Variants in TRAK1 observed in about 807,000 individuals in gnomAD.
TRAK1 encodes the protein trafficking kinesin-binding protein 1.
Under a neutral mutation model 92.1 loss-of-function variants are expected in TRAK1, and 33 were observed. The ratio of observed to expected loss-of-function variants is 0.36; its 90% CI spans 0.27 to 0.48. TRAK1 has a LOEUF of 0.48. Ranked by LOEUF, TRAK1 falls within the 20% of genes least tolerant of loss-of-function variation. The probability of loss-of-function intolerance (pLI) is 0.99; values close to 1 mark genes in which losing one functional copy is unlikely to be tolerated. For missense variants in TRAK1, 1,123 were observed against 1,257.9 expected, an observed-to-expected ratio of 0.89 and a Z score of 1.62; for synonymous variants, 521 against 517.3, an observed-to-expected ratio of 1.01 and a Z score of -0.10.
At chr3:42,138,609 A>G (rs946351486) in intron 2 of TRAK1, among the ~76,000 whole-genome samples, 1 of 151,968 alleles carries the variant, frequency 6.6e-6, no homozygotes, top group Non-Finnish European at 1.5e-5. Flanking sequence ...GACACTGGCC[A>G]GATGTGGCGG....
intron 1 of TRAK1, among the ~76,000 whole-genome samples, chr3:42,081,792 C>T (rs1704450832): frequency 6.6e-6 from 1 of 152,190 alleles, no homozygotes; most frequent in Admixed American, 6.5e-5. Context: ...CTAATTTGTA[C>T]TAGACACAGA....
chr3:42,099,695 A>G (rs1354485343), intron 1 of TRAK1, among the ~76,000 whole-genome samples: 1 of 152,230 alleles, frequency 6.6e-6, no homozygotes, highest in Admixed American at 6.5e-5. Flanking sequence ...GTTTCAGCTT[A>G]TCTCATAAAT....
intron 2 of TRAK1, among the ~76,000 whole-genome samples, chr3:42,143,322 T>TTC (rs1553732425): frequency 1.2e-3 from 177 of 149,810 alleles, no homozygotes; most frequent in South Asian, 7.2e-3. Flanking sequence ...TTTTTTTTTT[T>TTC]CTTTCAAATT....
intron 2 of TRAK1, among the ~76,000 whole-genome samples, chr3:42,140,347 A>T (rs1223270065): frequency 8.5e-5 from 13 of 152,108 alleles, no homozygotes; most frequent in Admixed American, 6.6e-4. Flanking sequence ...AATAAAGATC[A>T]GGCTGGGCGC....
intron 2 of TRAK1, among the ~76,000 whole-genome samples, chr3:42,173,796 C>A (rs765829333): frequency 2.0e-5 from 3 of 152,074 alleles, no homozygotes; most frequent in Non-Finnish European, 4.4e-5. Flanking sequence ...ATCGCGACTA[C>A]CCTGCAGGGT....
chr3:42,160,225 CA>C, intron 2 of TRAK1: 3 of 1,481,416 alleles, frequency 2.0e-6, no homozygotes, highest in Non-Finnish European at 2.7e-6. Context: ...TGAGCCAGGG[CA>C]TGTCTGCGGC....
intron 1 of TRAK1, among the ~76,000 whole-genome samples, chr3:42,032,395 A>G (rs1338450477): frequency 2.0e-5 from 3 of 150,816 alleles, no homozygotes; most frequent in Non-Finnish European, 2.9e-5. Flanking sequence ...CCATTGTCCC[A>G]TGTTGTTCGT....
intron 2 of TRAK1, among the ~76,000 whole-genome samples, chr3:42,151,775 TA>T (rs1207733595): frequency 7.2e-5 from 11 of 152,260 alleles, no homozygotes; most frequent in African/African-American, 2.7e-4. Context: ...TGCCCCTGTT[TA>T]TATGTACCTG....
At chr3:42,144,011 T>G (rs1576597947) in intron 2 of TRAK1, among the ~76,000 whole-genome samples, 1 of 152,176 alleles carries the variant, frequency 6.6e-6, no homozygotes, top group African/African-American at 2.4e-5. Context: ...CCTATTTTCT[T>G]AAAAAGTGAA....
intron 2 of TRAK1, among the ~76,000 whole-genome samples, chr3:42,167,132 G>A (rs1015792631): frequency 2.0e-5 from 3 of 152,216 alleles, no homozygotes; most frequent in Non-Finnish European, 2.9e-5. Context: ...AGGCCTGTCT[G>A]GCGTTCAGAT....
chr3:42,113,871 G>T (rs1399335371), intron 1 of TRAK1, among the ~76,000 whole-genome samples: 1 of 152,180 alleles, frequency 6.6e-6, no homozygotes, highest in Non-Finnish European at 1.5e-5. Context: ...ACATTTTAAC[G>T]GGTATAGTTC....
chr3:42,093,201 T>C (rs771925814), intron 1 of TRAK1, among the ~76,000 whole-genome samples: 14 of 151,840 alleles, frequency 9.2e-5, no homozygotes, highest in Non-Finnish European at 1.9e-4. Flanking sequence ...ATGTGTAATT[T>C]AGAAGTTTTT....
At chr3:42,105,848 A>G (rs980869407) in intron 1 of TRAK1, among the ~76,000 whole-genome samples, 9 of 152,200 alleles carry the variant, frequency 5.9e-5, no homozygotes, top group Non-Finnish European at 1.2e-4. Context: ...AGCCAGAAGA[A>G]AGTGGGGGCC....
At chr3:42,015,700 T>C (rs1479032117) in intron 1 of TRAK1, among the ~76,000 whole-genome samples, 1 of 152,172 alleles carries the variant, frequency 6.6e-6, no homozygotes, top group Admixed American at 6.5e-5. Context: ...TAATAGTAAT[T>C]ATTGTTTTAT....
At chr3:42,035,505 T>A (rs552195049) in intron 1 of TRAK1, among the ~76,000 whole-genome samples, 4 of 152,182 alleles carry the variant, frequency 2.6e-5, no homozygotes, top group Non-Finnish European at 4.4e-5. Context: ...AAGAAAAGGA[T>A]CTGCCTGTGA....
chr3:42,203,945 A>AT, intron 13 of TRAK1: 1 of 985,846 alleles, frequency 1.0e-6, no homozygotes, highest in Non-Finnish European at 1.2e-6. Context: ...ACTGCATGCT[A>AT]TAAGGTAAGG....
chr3:42,048,653 C>T (rs1212344217), intron 1 of TRAK1, among the ~76,000 whole-genome samples: 1 of 151,718 alleles, frequency 6.6e-6, no homozygotes, highest in African/African-American at 2.4e-5. Context: ...AACCTCCACC[C>T]TGGGCTCAAG....
intron 1 of TRAK1, among the ~76,000 whole-genome samples, chr3:42,017,118 G>A (rs1041647381): frequency 3.9e-5 from 6 of 152,238 alleles, no homozygotes; most frequent in South Asian, 2.1e-4. Flanking sequence ...AAAAGTAGCC[G>A]GGCGTGGCAG....
chr3:42,177,025 G>C (rs949790952), intron 3 of TRAK1, 135 bp downstream of exon 3: 4 of 761,496 alleles, frequency 5.3e-6, no homozygotes, highest in Non-Finnish European at 8.7e-6. Context: ...TAATTTAATG[G>C]CTTTACTTTT....
Sources: gnomAD v4.1 joint callset for allele counts (sites outside exome capture counted in the v4.1 genomes callset) on GRCh38, gnomAD v4.1.1 for gene constraint, MANE v1.5 for transcripts, NCBI Gene and HGNC (gene_info 2026-07-23, HGNC 2026-07-21) for gene names.